The following BANP variants were observed in gnomAD, a reference collection of about 807,000 sequenced individuals.
The protein encoded by BANP is BTG3 associated nuclear protein, also known as protein BANP.
A neutral mutation model predicts 68.1 loss-of-function variants in BANP; 11 were observed. The ratio of observed to expected loss-of-function variants is 0.16; its 90% CI spans 0.10 to 0.27. The LOEUF (loss-of-function observed/expected upper bound fraction) is 0.27, where lower values mean the gene tolerates loss of function less well. Ranked by LOEUF, BANP falls within the 10% of genes least tolerant of loss-of-function variation. The probability of loss-of-function intolerance (pLI) is 1.00; values close to 1 mark genes in which losing one functional copy is unlikely to be tolerated. For synonymous variants in BANP, 329 were observed against 303.2 expected, an observed-to-expected ratio of 1.09 and a Z score of -0.88; for missense variants, 504 against 722.7, an observed-to-expected ratio of 0.70 and a Z score of 3.47.
At chr16:88,070,059 A>C (rs2089926119) in intron 12 of BANP, among the ~76,000 whole-genome samples, 1 of 152,200 alleles carries the variant, frequency 6.6e-6, no homozygotes, top group Admixed American at 6.5e-5. Flanking sequence ...CATGAATAGC[A>C]GCCATATTTC....
At chr16:87,986,975 T>C (rs1383684332) in intron 4 of BANP, among the ~76,000 whole-genome samples, 1 of 152,230 alleles carries the variant, frequency 6.6e-6, no homozygotes, top group East Asian at 1.9e-4. Context: ...TTAAGATTAA[T>C]AGAAGAATCG....
At chr16:88,063,691 C>G (rs2087587641) in intron 11 of BANP, among the ~76,000 whole-genome samples, 1 of 152,194 alleles carries the variant, frequency 6.6e-6, no homozygotes, top group Admixed American at 6.5e-5. Flanking sequence ...GGGTTCTGCC[C>G]TCCTCTGGCT....
At chr16:88,061,045 G>C (rs902615488) in intron 11 of BANP, among the ~76,000 whole-genome samples, 1 of 152,170 alleles carries the variant, frequency 6.6e-6, no homozygotes, top group African/African-American at 2.4e-5. Flanking sequence ...TGGAAGGGGG[G>C]GTGGGCGGCA....
At chr16:88,062,433 G>A (rs540898508) in intron 11 of BANP, among the ~76,000 whole-genome samples, 180 of 152,280 alleles carry the variant, frequency 1.2e-3, no homozygotes, top group African/African-American at 4.1e-3. Flanking sequence ...TCCCTCAGTC[G>A]GCTGCTCCCA....
chr16:88,029,179 T>C (rs2077583891), intron 8 of BANP, among the ~76,000 whole-genome samples: 1 of 151,776 alleles, frequency 6.6e-6, no homozygotes, highest in African/African-American at 2.4e-5. Context: ...TGGTGGCGCA[T>C]GCCTCTAATC....
chr16:88,035,058 TG>T (rs2079018674), intron 9 of BANP: 1 of 455,480 alleles, frequency 2.2e-6, no homozygotes, highest in South Asian at 2.4e-5. Context: ...ATAGCATATA[TG>T]GGGTTCAGCA....
chr16:88,067,152 G>T (rs1221404303), intron 12 of BANP, among the ~76,000 whole-genome samples: 1 of 152,208 alleles, frequency 6.6e-6, no homozygotes, highest in Non-Finnish European at 1.5e-5. Flanking sequence ...GCTGACCTTT[G>T]ACCCTTTGCA....
intron 1 of BANP, among the ~76,000 whole-genome samples, chr16:87,967,299 G>T (rs2060212319): frequency 7.1e-6 from 1 of 140,722 alleles, no homozygotes; most frequent in African/African-American, 2.7e-5. Flanking sequence ...AGTAGAGACG[G>T]GGTTTCACCC....
chr16:87,974,043 C>G (rs1227181176), intron 1 of BANP, among the ~76,000 whole-genome samples: 3 of 152,152 alleles, frequency 2.0e-5, no homozygotes, highest in Non-Finnish European at 2.9e-5. Context: ...AAGGGCTGTG[C>G]TGTACAGAGC....
At chr16:87,974,203 C>G (rs1597957763) in intron 1 of BANP, among the ~76,000 whole-genome samples, 1 of 152,298 alleles carries the variant, frequency 6.6e-6, no homozygotes, top group African/African-American at 2.4e-5. Context: ...CTACGGCATC[C>G]TATTTTGCAG....
In BANP at chr16:88,073,905, A is replaced by G. The variant is rs991383948; in HGVS notation, c.1521+1693A>G. On this transcript the variant is annotated intron_variant, in intron 13 of 13. Coordinates refer to ENST00000682872, the MANE Select transcript of BANP (RefSeq NM_001386991.1). The stretch of plus-strand genomic sequence containing the variant: ...TGCCCTCCTGGCAGGCCCCAGGTGA[A>G]TGATTTAATTAGGATCCATCGTAAC... 2.0e-5 allele frequency among the ~76,000 whole-genome samples: 3 copies of G among 152,254 alleles called. No homozygotes were observed. The South Asian group carries it at 6.2e-4, about 31-fold the overall frequency.
intron 5 of BANP, among the ~76,000 whole-genome samples, chr16:88,005,516 G>A (rs1317674205): frequency 3.9e-5 from 6 of 152,188 alleles, no homozygotes; most frequent in Admixed American, 6.5e-5. Context: ...AGGTGGCCTC[G>A]CCCTGCTTTG....
intron 4 of BANP, among the ~76,000 whole-genome samples, chr16:87,999,055 T>TTCAGACAC (rs2068242020): frequency 1.6e-5 from 2 of 125,578 alleles, no homozygotes; most frequent in Non-Finnish European, 3.3e-5. Flanking sequence ...TACCTGTCCT[T>TTCAGACAC]CCAGACACGT....
Position 88,003,813 on chromosome 16 carries a change from C to T in BANP, c.363-482C>T, listed in dbSNP as rs2070144760. 4 of 308,914 alleles carry T rather than the reference C, an allele frequency of 1.3e-5. No homozygotes were observed. The highest frequency in any genetic ancestry group is 5.6e-5 in the South Asian group (2 of 35,702). The allele number at this position is 308,914 out of a possible 1,614,324, so 19.1% of individuals were successfully genotyped here. A position where few individuals can be genotyped will look rare whatever the true frequency, so the allele number is the denominator to read the frequency against. ...GATGTTTGCCCCTTTCTTTCCAGGG[C>T]GCTACCGTTTTGGAATGATACCAAC... On this transcript the variant is annotated intron_variant, in intron 4 of 13. Coordinates refer to ENST00000682872, the MANE Select transcript of BANP (RefSeq NM_001386991.1). This position sits in a 1 kb window ranked among gnomAD's most constrained non-coding sequence, Gnocchi z 6.1.
chr16:88,048,238 G>C (rs910727282), intron 11 of BANP, among the ~76,000 whole-genome samples: 3 of 152,232 alleles, frequency 2.0e-5, no homozygotes, highest in African/African-American at 7.2e-5. Flanking sequence ...TGTGATTGAA[G>C]ACTTAGCCAA....
chr16:88,048,694 A>G (rs144467246), intron 11 of BANP, among the ~76,000 whole-genome samples: 68 of 152,022 alleles, frequency 4.5e-4, no homozygotes, highest in African/African-American at 1.5e-3. Flanking sequence ...ACAACAGATT[A>G]AAGAAAGGAC....
At chr16:87,963,211 G>A (rs570374581) in intron 1 of BANP, among the ~76,000 whole-genome samples, 11 of 152,172 alleles carry the variant, frequency 7.2e-5, no homozygotes, top group South Asian at 6.2e-4. Context: ...CTTGGTGGCC[G>A]TGGTCCCTTC....
At chr16:88,007,552 G>T (rs1050503973) in intron 6 of BANP, among the ~76,000 whole-genome samples, 1 of 152,206 alleles carries the variant, frequency 6.6e-6, no homozygotes, top group Admixed American at 6.5e-5. Flanking sequence ...TGACTACAGC[G>T]TGGAGAAAAG....
At chr16:88,076,519 G>A in intron 13 of BANP, 71 bp from the exon 14 acceptor site, 2 of 1,391,352 alleles carry the variant, frequency 1.4e-6, no homozygotes, top group Non-Finnish European at 2.0e-6. Flanking sequence ...GTCACTGGCT[G>A]TTCATGACAC....
Sources: gnomAD v4.1 joint callset for allele counts (sites outside exome capture counted in the v4.1 genomes callset) on GRCh38, gnomAD v4.1.1 for gene constraint, Gnocchi (gnomAD v3.1) non-coding constraint, MANE v1.5 for transcripts, NCBI Gene and HGNC (gene_info 2026-07-23, HGNC 2026-07-21) for gene names.